Variants in MALRD1 observed in about 807,000 individuals in gnomAD.
MALRD1 encodes MAM and LDL-receptor class A domain-containing protein 1.
Under a neutral mutation model 242.1 loss-of-function variants are expected in MALRD1, and 247 were observed. The observed-to-expected ratio is 1.02, with a 90% CI of 0.92 to 1.13. The LOEUF (loss-of-function observed/expected upper bound fraction) is 1.13, where lower values mean the gene tolerates loss of function less well. Among genes scored for constraint, MALRD1 ranks in the 50% most tolerant of loss-of-function variants. MALRD1 has a pLI of 0.00. For synonymous variants in MALRD1, 995 were observed against 866.6 expected (o/e 1.15, Z -2.60); for missense variants, 2,989 against 2,533.1 (o/e 1.18, Z -3.86).
chr10:19,683,495 C>T (rs1041512616), intron 36 of MALRD1, among the ~76,000 whole-genome samples: 2 of 152,132 alleles, frequency 1.3e-5, no homozygotes, highest in Non-Finnish European at 2.9e-5. Context: ...CTGAATCTGC[C>T]TGACTCTCCC....
intron 36 of MALRD1, among the ~76,000 whole-genome samples, chr10:19,667,009 A>C (rs1318349595): frequency 6.6e-6 from 1 of 152,140 alleles, no homozygotes; most frequent in Non-Finnish European, 1.5e-5. Context: ...CCTACACCTC[A>C]CACTGCTGGA....
intron 28 of MALRD1, among the ~76,000 whole-genome samples, chr10:19,390,406 T>A (rs953529380): frequency 1.3e-5 from 2 of 152,192 alleles, no homozygotes; most frequent in Non-Finnish European, 2.9e-5. Context: ...GACACAGTAA[T>A]GCATTTTCTT....
intron 31 of MALRD1, among the ~76,000 whole-genome samples, chr10:19,514,888 T>C (rs1190471813): frequency 3.3e-5 from 5 of 152,158 alleles, no homozygotes; most frequent in African/African-American, 1.2e-4. Flanking sequence ...TCTTGTTTTG[T>C]ATCAGTGTAC....
At chr10:19,529,329 GGTTA>G (rs1475108239) in intron 31 of MALRD1, among the ~76,000 whole-genome samples, 1 of 152,072 alleles carries the variant, frequency 6.6e-6, no homozygotes, top group Non-Finnish European at 1.5e-5. Context: ...CCATGAAATG[GGTTA>G]GTTATGTTGT....
chr10:19,221,330 AC>A (rs1837548225), intron 18 of MALRD1, among the ~76,000 whole-genome samples: 1 of 152,150 alleles, frequency 6.6e-6, no homozygotes, highest in East Asian at 1.9e-4. Context: ...AATTACATAT[AC>A]AACTTCATGG....
At chr10:19,503,404 A>C (rs2131263489) in intron 31 of MALRD1, among the ~76,000 whole-genome samples, 1 of 152,320 alleles carries the variant, frequency 6.6e-6, no homozygotes, top group African/African-American at 2.4e-5. Context: ...AGAATTAGAT[A>C]CATAAGAGGG....
At position 19,730,705 on chromosome 10, in the gene MALRD1, G is replaced by C. The variant is rs758726171; in HGVS notation, c.6315-1G>C. ...TTTTTGATGGCCCTGTGTGCTTTAA[G>C]GAAAACCGAGGGAAGTGGTAACTGT... On this transcript the variant is annotated splice_acceptor_variant, in intron 38 of 39. Transcript: ENST00000454679. LOFTEE classifies it high-confidence loss of function. 5.3e-5 allele frequency: 81 copies of C among 1,536,426 alleles called. No homozygotes were observed. The African/African-American group carries it at 1.1e-3, about 21-fold the overall frequency.
intron 31 of MALRD1, among the ~76,000 whole-genome samples, chr10:19,513,432 T>TA (rs1229683797): frequency 6.6e-6 from 1 of 152,048 alleles, no homozygotes; most frequent in East Asian, 1.9e-4. Flanking sequence ...TCTCTTTTTT[T>TA]TTTTTTTTTG....
At chr10:19,613,011 C>T (rs1045215529) in intron 35 of MALRD1, among the ~76,000 whole-genome samples, 1 of 151,998 alleles carries the variant, frequency 6.6e-6, no homozygotes, top group Non-Finnish European at 1.5e-5. Context: ...TACTTCAATA[C>T]GTATTGCTTA....
intron 26 of MALRD1, among the ~76,000 whole-genome samples, chr10:19,379,897 T>G (rs181701572): frequency 6.6e-6 from 1 of 152,284 alleles, no homozygotes; most frequent in Admixed American, 6.5e-5. Context: ...CAGTTTTGGT[T>G]ATTTCTCCTT....
chr10:19,205,366 T>G, intron 17 of MALRD1, 101 bp downstream of exon 17: 1 of 1,345,374 alleles, frequency 7.4e-7, no homozygotes, highest in Non-Finnish European at 9.8e-7. Flanking sequence ...ACAGTAAGCA[T>G]AGCTCCAAAG....
chr10:19,357,543 C>A (rs1350615430), intron 26 of MALRD1, among the ~76,000 whole-genome samples: 1 of 152,080 alleles, frequency 6.6e-6, no homozygotes, highest in Non-Finnish European at 1.5e-5. Flanking sequence ...ACAAGCATAT[C>A]CTTATTTTAT....
intron 32 of MALRD1, among the ~76,000 whole-genome samples, chr10:19,559,196 A>G (rs933809560): frequency 6.6e-6 from 1 of 151,742 alleles, no homozygotes; most frequent in Non-Finnish European, 1.5e-5. Flanking sequence ...AATAATAATA[A>G]TAATGATGAT....
chr10:19,255,559 T>A (rs1360956326), intron 18 of MALRD1, among the ~76,000 whole-genome samples: 2 of 152,032 alleles, frequency 1.3e-5, no homozygotes, highest in African/African-American at 4.8e-5. Flanking sequence ...TCAAAAAGTC[T>A]TTTAAAAATG....
intron 18 of MALRD1, among the ~76,000 whole-genome samples, chr10:19,238,535 T>C (rs559795905): frequency 2.9e-5 from 2 of 69,880 alleles, no homozygotes; most frequent in Admixed American, 2.1e-4. Context: ...TAATATACAT[T>C]ATATATAATA....
intron 36 of MALRD1, among the ~76,000 whole-genome samples, chr10:19,638,477 A>G (rs77186433): frequency 6.6e-6 from 1 of 152,172 alleles, no homozygotes; most frequent in Admixed American, 6.5e-5. Flanking sequence ...TTACTAATTG[A>G]GTATGAGTGA....
chr10:19,400,469 G>A (rs571957371), intron 28 of MALRD1, among the ~76,000 whole-genome samples: 1 of 152,082 alleles, frequency 6.6e-6, no homozygotes, highest in Admixed American at 6.6e-5. Context: ...GCTTCATGAC[G>A]CAGACCTCAT....
chr10:19,206,783 G>T (rs1212846501), intron 17 of MALRD1, among the ~76,000 whole-genome samples: 1 of 152,184 alleles, frequency 6.6e-6, no homozygotes, highest in Admixed American at 6.5e-5. Flanking sequence ...AATGAAGTTT[G>T]AGTGTGCAGT....
intron 4 of MALRD1, among the ~76,000 whole-genome samples, chr10:19,097,953 C>A (rs1320531485): frequency 6.6e-6 from 1 of 152,112 alleles, no homozygotes; most frequent in African/African-American, 2.4e-5. Context: ...TGGACGCGTT[C>A]CTCCTCTTAC....
Sources: gnomAD v4.1 joint callset for allele counts (sites outside exome capture counted in the v4.1 genomes callset) on GRCh38, gnomAD v4.1.1 for gene constraint, MANE v1.5 for transcripts, NCBI Gene and HGNC (gene_info 2026-07-23, HGNC 2026-07-21) for gene names.